The following NBDY variants were observed in gnomAD, a reference collection of about 807,000 sequenced individuals.
NBDY encodes the protein P-body dissociating protein.
At chrX:56,786,140 G>A (rs919342054) in intron 2 of NBDY, among the ~76,000 whole-genome samples, 2 of 110,297 alleles carry the variant, frequency 1.8e-5, no homozygotes, top group Non-Finnish European at 3.8e-5. Flanking sequence ...GGTGGGGTAG[G>A]GGGTCCTTCC....
At chrX:56,737,586 G>GAAACGACAAT in intron 2 of NBDY, 1 of 586,483 alleles carries the variant, frequency 1.7e-6, no homozygotes, top group Non-Finnish European at 2.7e-6. Context: ...ATTTTGACCT[G>GAAACGACAAT]CTTTAATTTT....
At chrX:56,739,260 A>ATATATATATG (rs1268251033) in intron 2 of NBDY, among the ~76,000 whole-genome samples, 9 of 80,507 alleles carry the variant, frequency 1.1e-4, no homozygotes, top group African/African-American at 4.7e-4. Context: ...ATATATATAT[A>ATATATATATG]TATGTATGTA....
chrX:56,762,719 C>T (rs944580434), intron 2 of NBDY, among the ~76,000 whole-genome samples: 3 of 111,199 alleles, frequency 2.7e-5, no homozygotes, highest in Admixed American at 9.6e-5. Flanking sequence ...CACAACTATC[C>T]GGATTTCAGT....
intron 2 of NBDY, among the ~76,000 whole-genome samples, chrX:56,807,745 A>G (rs1190640196): frequency 8.9e-6 from 1 of 112,039 alleles, no homozygotes; most frequent in African/African-American, 3.2e-5. Context: ...TAAATATACA[A>G]TCATGTTATC....
chrX:56,782,104 C>G (rs1391916746), intron 2 of NBDY, among the ~76,000 whole-genome samples: 1 of 111,387 alleles, frequency 9.0e-6, no homozygotes, highest in African/African-American at 3.3e-5. Context: ...CGGGAGGTGA[C>G]CTGGGGCTCC....
chrX:56,813,033 C>T (rs1338041552), intron 2 of NBDY, among the ~76,000 whole-genome samples: 1 of 110,244 alleles, frequency 9.1e-6, no homozygotes, highest in African/African-American at 3.3e-5. Flanking sequence ...CACACCGGGG[C>T]CTGTCTTGCT....
intron 2 of NBDY, among the ~76,000 whole-genome samples, chrX:56,763,108 G>A (rs2069646572): frequency 8.9e-6 from 1 of 112,726 alleles, no homozygotes; most frequent in Non-Finnish European, 1.9e-5. Flanking sequence ...GGCAACTCTC[G>A]CCTTCTCCTG....
At chrX:56,803,188 T>A (rs2069832898) in intron 2 of NBDY, among the ~76,000 whole-genome samples, 1 of 111,115 alleles carries the variant, frequency 9.0e-6, no homozygotes, top group Non-Finnish European at 1.9e-5. Context: ...CCTTTGCCCT[T>A]GCTCATTACC....
At chrX:56,751,920 G>C (rs911549463) in intron 2 of NBDY, among the ~76,000 whole-genome samples, 1 of 111,990 alleles carries the variant, frequency 8.9e-6, no homozygotes, top group African/African-American at 3.2e-5. Context: ...TGTGTTCAAT[G>C]TTTAGATCCC....
At chrX:56,804,722 C>G (rs2069841075) in intron 2 of NBDY, among the ~76,000 whole-genome samples, 1 of 111,724 alleles carries the variant, frequency 9.0e-6, no homozygotes, top group Non-Finnish European at 1.9e-5. Flanking sequence ...GATTATTCAG[C>G]CTGGAAAATG....
At chrX:56,786,910 C>T (rs1437657789) in intron 2 of NBDY, among the ~76,000 whole-genome samples, 2 of 111,414 alleles carry the variant, frequency 1.8e-5, no homozygotes, top group African/African-American at 6.5e-5. Flanking sequence ...CAAAAAGCTG[C>T]CAACATGTTA....
At chrX:56,766,759 T>C (rs2069667966) in intron 2 of NBDY, among the ~76,000 whole-genome samples, 1 of 112,009 alleles carries the variant, frequency 8.9e-6, no homozygotes, top group African/African-American at 3.2e-5. Flanking sequence ...TGGAGCATCC[T>C]GGGTCAAGCT....
intron 2 of NBDY, among the ~76,000 whole-genome samples, chrX:56,758,795 A>G (rs1162662937): frequency 9.0e-6 from 1 of 111,219 alleles, no homozygotes; most frequent in Non-Finnish European, 1.9e-5. Flanking sequence ...TTTGATACAG[A>G]GCTCTCTGGG....
intron 2 of NBDY, among the ~76,000 whole-genome samples, chrX:56,814,704 C>T (rs1385842460): frequency 9.1e-6 from 1 of 110,367 alleles, no homozygotes; most frequent in African/African-American, 3.3e-5. Flanking sequence ...CATGTTGGCC[C>T]GGATGGCCTC....
intron 2 of NBDY, among the ~76,000 whole-genome samples, chrX:56,808,393 CT>C (rs1304389424): frequency 8.9e-6 from 1 of 111,780 alleles, no homozygotes; most frequent in Non-Finnish European, 1.9e-5. Context: ...GTCCTGGACT[CT>C]TTTTTGGTCA....
At chrX:56,735,167 T>C (rs1377860445) in intron 2 of NBDY, among the ~76,000 whole-genome samples, 2 of 112,418 alleles carry the variant, frequency 1.8e-5, no homozygotes, top group African/African-American at 6.5e-5. Flanking sequence ...ACTTCACTGA[T>C]GGATTAACAA....
intron 2 of NBDY, among the ~76,000 whole-genome samples, chrX:56,759,355 G>C (rs1161186145): frequency 8.9e-6 from 1 of 112,051 alleles, no homozygotes; most frequent in Non-Finnish European, 1.9e-5. Flanking sequence ...AAAACCTGGA[G>C]AGGGCCAAAG....
At chrX:56,788,620 T>G (rs980889014) in intron 2 of NBDY, among the ~76,000 whole-genome samples, 1 of 112,296 alleles carries the variant, frequency 8.9e-6, no homozygotes, top group African/African-American at 3.2e-5. Flanking sequence ...AGCTCCTTTT[T>G]TTTTTTTTTT....
intron 2 of NBDY, among the ~76,000 whole-genome samples, chrX:56,755,091 A>G (rs1447359507): frequency 1.8e-5 from 2 of 111,916 alleles, no homozygotes; most frequent in African/African-American, 6.5e-5. Context: ...AGCCATATGT[A>G]GAAAACTGAA....
Sources: gnomAD v4.1 joint callset for allele counts (sites outside exome capture counted in the v4.1 genomes callset) on GRCh38, gnomAD v4.1.1 for gene constraint, MANE v1.5 for transcripts, NCBI Gene and HGNC (gene_info 2026-07-23, HGNC 2026-07-21) for gene names.